The following TSPAN18 variants were observed in gnomAD, a reference collection of about 807,000 sequenced individuals.
TSPAN18 encodes tetraspanin 18.
Under a neutral mutation model 27.3 loss-of-function variants are expected in TSPAN18, and 14 were observed. The observed-to-expected ratio is 0.51, with a 90% CI of 0.34 to 0.80. The LOEUF is 0.80. Among genes scored for constraint, TSPAN18 ranks in the 30% least tolerant of loss-of-function variants. The probability of loss-of-function intolerance (pLI) is 0.01; values close to 1 mark genes in which losing one functional copy is unlikely to be tolerated. For missense variants in TSPAN18, 268 were observed against 323.9 expected (o/e 0.83, Z 1.32); for synonymous variants, 143 against 136.5 (o/e 1.05, Z -0.33).
intron 2 of TSPAN18, among the ~76,000 whole-genome samples, chr11:44,800,791 C>CA (rs772477202): frequency 6.6e-6 from 1 of 152,226 alleles, no homozygotes; most frequent in Non-Finnish European, 1.5e-5. Context: ...CTCAGGCAGT[C>CA]AGTGGGGTCA....
intron 2 of TSPAN18, among the ~76,000 whole-genome samples, chr11:44,800,575 G>A (rs994057194): frequency 2.6e-5 from 4 of 152,174 alleles, no homozygotes; most frequent in African/African-American, 7.2e-5. Flanking sequence ...CTGTATTTGC[G>A]CAGTGATGGG....
chr11:44,898,652 C>T lies in TSPAN18; in HGVS notation c.-10-7755C>T, dbSNP rs61879684. On this transcript the variant is annotated intron_variant, in intron 3 of 9. Transcript: ENST00000520358. ...GGGGACTCTTTGCAGAGTTCTAAGG[C>T]GGTGCAGGGCATCACATGGCGAGGG... Among the ~76,000 whole-genome samples the T allele has an allele frequency of 4.7e-3, 717 of 152,322 alleles. 4 individuals carry two copies. The highest frequency in any genetic ancestry group is 0.02 in the South Asian group (95 of 4,830).
rs552324330 is a variant in TSPAN18, at chr11:44,776,315, G to C, written c.-153+11803G>C. On this transcript the variant is annotated intron_variant, in intron 2 of 9. Transcript: ENST00000520358. ...CACATCTGGCTGGTGGAGGGGCTGG[G>C]ACTGAAGCCAGCAGAGACAGCTGTG... 1.4e-4 allele frequency among the ~76,000 whole-genome samples: 22 copies of C among 152,330 alleles called. 1 individual carries two copies. The South Asian group carries it at 1.7e-3, about 11-fold the overall frequency.
At chr11:44,879,494 C>G (rs1195526201) in intron 3 of TSPAN18, among the ~76,000 whole-genome samples, 1 of 152,160 alleles carries the variant, frequency 6.6e-6, no homozygotes, top group Non-Finnish European at 1.5e-5. Flanking sequence ...TCTCTGTCTT[C>G]GAGCAGAGAC....
At chr11:44,864,150 G>A (rs1857970396) in intron 3 of TSPAN18, among the ~76,000 whole-genome samples, 2 of 152,076 alleles carry the variant, frequency 1.3e-5, no homozygotes, top group Admixed American at 1.3e-4. Context: ...AGCCGGGTGT[G>A]GTGGCATTCG....
intron 1 of TSPAN18, among the ~76,000 whole-genome samples, chr11:44,754,398 G>A (rs1232572417): frequency 6.6e-6 from 1 of 152,180 alleles, no homozygotes; most frequent in African/African-American, 2.4e-5. Context: ...TTGGGCATGC[G>A]TTCCTGTGTG....
intron 6 of TSPAN18, 42 bp from the exon 7 acceptor site, chr11:44,919,172 C>A: frequency 6.5e-7 from 1 of 1,541,642 alleles, no homozygotes; most frequent in South Asian, 1.1e-5. Flanking sequence ...GGGGCTGCAC[C>A]CAACTGCCAG....
intron 2 of TSPAN18, among the ~76,000 whole-genome samples, chr11:44,812,905 T>C (rs571553918): frequency 6.6e-6 from 1 of 152,312 alleles, no homozygotes; most frequent in Admixed American, 6.5e-5. Flanking sequence ...CACAGAGCAC[T>C]ATTGCTTATT....
At chr11:44,839,931 A>T (rs1323494117) in intron 2 of TSPAN18, among the ~76,000 whole-genome samples, 3 of 152,092 alleles carry the variant, frequency 2.0e-5, no homozygotes, top group Admixed American at 2.0e-4. Flanking sequence ...ATAATCCTAG[A>T]TGCCACACCC....
intron 5 of TSPAN18, among the ~76,000 whole-genome samples, chr11:44,915,837 A>T (rs1053988808): frequency 6.6e-6 from 1 of 152,212 alleles, no homozygotes; most frequent in Admixed American, 6.5e-5. Context: ...GGGAAACTAC[A>T]CAAAAAAGAG....
intron 1 of TSPAN18, among the ~76,000 whole-genome samples, chr11:44,757,886 A>T (rs2134875462): frequency 6.6e-6 from 1 of 152,226 alleles, no homozygotes; most frequent in Non-Finnish European, 1.5e-5. Flanking sequence ...GAGATATATG[A>T]TTTGCAAATA....
At chr11:44,798,907 T>C (rs1856411408) in intron 2 of TSPAN18, among the ~76,000 whole-genome samples, 1 of 152,192 alleles carries the variant, frequency 6.6e-6, no homozygotes, top group Non-Finnish European at 1.5e-5. Context: ...TCCTTCTTTA[T>C]TGAATCTGGT....
At chr11:44,917,768 T>C (rs1031344740) in intron 5 of TSPAN18, 2 of 594,544 alleles carry the variant, frequency 3.4e-6, no homozygotes, top group Non-Finnish European at 6.0e-6. Flanking sequence ...ATTCTTTTCA[T>C]ATTTTGATCT....
At chr11:44,777,482 C>T (rs1023938198) in intron 2 of TSPAN18, among the ~76,000 whole-genome samples, 5 of 152,164 alleles carry the variant, frequency 3.3e-5, no homozygotes, top group Non-Finnish European at 5.9e-5. Flanking sequence ...CCCAGGACCC[C>T]TCCGGAATTC....
intron 3 of TSPAN18, among the ~76,000 whole-genome samples, chr11:44,896,446 G>T (rs1859053548): frequency 6.6e-6 from 1 of 152,068 alleles, no homozygotes; most frequent in Non-Finnish European, 1.5e-5. Flanking sequence ...CATTTCATGG[G>T]CTCACGCATG....
intron 2 of TSPAN18, among the ~76,000 whole-genome samples, chr11:44,803,016 T>C (rs986528656): frequency 6.6e-6 from 1 of 152,020 alleles, no homozygotes; most frequent in Admixed American, 6.6e-5. Flanking sequence ...TCACTACCCA[T>C]TGATTGAGGG....
At chr11:44,885,154 C>T (rs895551521) in intron 3 of TSPAN18, among the ~76,000 whole-genome samples, 1 of 152,058 alleles carries the variant, frequency 6.6e-6, no homozygotes, top group Admixed American at 6.6e-5. Context: ...TTACCAACAC[C>T]GCTCTAGACC....
intron 2 of TSPAN18, among the ~76,000 whole-genome samples, chr11:44,792,369 G>T (rs1343542458): frequency 2.0e-5 from 3 of 152,204 alleles, no homozygotes; most frequent in African/African-American, 2.4e-5. Flanking sequence ...GCAGCCAGGG[G>T]CTGGTGAGTC....
chr11:44,841,466 A>C (rs1857372022), intron 2 of TSPAN18, among the ~76,000 whole-genome samples: 1 of 151,772 alleles, frequency 6.6e-6, no homozygotes, highest in African/African-American at 2.4e-5. Flanking sequence ...CAGTGAGCTG[A>C]GATTGCACCA....
Sources: allele counts gnomAD v4.1 joint callset (sites outside exome capture counted in the v4.1 genomes callset), GRCh38; gene constraint gnomAD v4.1.1; transcripts MANE v1.5; gene names NCBI Gene and HGNC (gene_info 2026-07-23, HGNC 2026-07-21).